Variants in SLC24A3 observed in about 807,000 individuals in gnomAD.
SLC24A3 encodes the protein solute carrier family 24 member 3.
Under a neutral mutation model 75.8 loss-of-function variants are expected in SLC24A3, and 28 were observed. The observed-to-expected ratio is 0.37, with a 90% CI of 0.27 to 0.51. The LOEUF (loss-of-function observed/expected upper bound fraction) is 0.51. Ranked by LOEUF, SLC24A3 falls within the 20% of genes least tolerant of loss-of-function variation. The pLI, the probability that SLC24A3 is intolerant of heterozygous loss-of-function variation, is 0.94. For synonymous variants in SLC24A3, 372 were observed against 334.1 expected (o/e 1.11, Z -1.24); for missense variants, 663 against 847.8 (o/e 0.78, Z 2.71).
intron 6 of SLC24A3, among the ~76,000 whole-genome samples, chr20:19,600,372 A>G (rs2031513403): frequency 6.6e-6 from 1 of 152,232 alleles, no homozygotes; most frequent in African/African-American, 2.4e-5. Flanking sequence ...GCCATCAAAA[A>G]AGTCAGCTCT....
intron 2 of SLC24A3, among the ~76,000 whole-genome samples, chr20:19,465,080 C>T (rs1273465563): frequency 6.6e-6 from 1 of 152,214 alleles, no homozygotes; most frequent in East Asian, 1.9e-4. Flanking sequence ...AAATTTAACT[C>T]ATTTAAATTT....
At chr20:19,537,946 G>A (rs1600271458) in intron 3 of SLC24A3, among the ~76,000 whole-genome samples, 1 of 151,748 alleles carries the variant, frequency 6.6e-6, no homozygotes, top group Non-Finnish European at 1.5e-5. Flanking sequence ...GTTAATGGGT[G>A]CAGCACACCA....
intron 6 of SLC24A3, among the ~76,000 whole-genome samples, chr20:19,602,878 G>T (rs1216555475): frequency 6.6e-6 from 1 of 152,200 alleles, no homozygotes; most frequent in East Asian, 1.9e-4. Context: ...TGTCCGGCAA[G>T]CAGACCACTC....
chr20:19,379,508 A>T (rs527547650), intron 2 of SLC24A3, among the ~76,000 whole-genome samples: 1 of 152,210 alleles, frequency 6.6e-6, no homozygotes, highest in African/African-American at 2.4e-5. Context: ...AGTGAATCTG[A>T]GCTGGATCAT....
In SLC24A3 at chr20:19,556,893, A is replaced by G. The variant is rs1159779057; in HGVS notation, c.349-23107A>G. On this transcript the variant is annotated intron_variant, in intron 3 of 16. Transcript: ENST00000328041. ...AATATTCCTTACACTTCTCAAAACAAAACCCATTTTTTTAAAAAAGTATTC... is the reference window on the plus strand; with the variant it reads ...AATATTCCTTACACTTCTCAAAACAGAACCCATTTTTTTAAAAAAGTATTC... 2.0e-5 allele frequency among the ~76,000 whole-genome samples: 3 copies of G among 152,090 alleles called. No homozygotes were observed. In the East Asian group the frequency reaches 5.8e-4, roughly 29 times the overall value.
chr20:19,720,401 T>G (rs2122181836), intron 16 of SLC24A3, among the ~76,000 whole-genome samples: 1 of 152,200 alleles, frequency 6.6e-6, no homozygotes, highest in Non-Finnish European at 1.5e-5. Flanking sequence ...GCTTCAAGGA[T>G]AGGCAGTGGC....
chr20:19,400,688 T>G (rs1986536702), intron 2 of SLC24A3, among the ~76,000 whole-genome samples: 1 of 152,132 alleles, frequency 6.6e-6, no homozygotes, highest in South Asian at 2.1e-4. Context: ...GACTCTCAAC[T>G]GCATCTCCCC....
intron 16 of SLC24A3, among the ~76,000 whole-genome samples, chr20:19,718,478 G>GC (rs777863342): frequency 2.6e-5 from 4 of 152,158 alleles, no homozygotes; most frequent in Non-Finnish European, 5.9e-5. Context: ...AGCTCATCAT[G>GC]CCCCCCATGA....
chr20:19,277,094 A>G (rs1429795277), intron 1 of SLC24A3, among the ~76,000 whole-genome samples: 2 of 152,206 alleles, frequency 1.3e-5, no homozygotes, highest in African/African-American at 4.8e-5. Flanking sequence ...TAGCTGTATA[A>G]TTAAACCAGG....
At chr20:19,306,993 T>C (rs897614420) in intron 2 of SLC24A3, among the ~76,000 whole-genome samples, 1 of 152,192 alleles carries the variant, frequency 6.6e-6, no homozygotes, top group African/African-American at 2.4e-5. Flanking sequence ...CCCAAGGACT[T>C]GAGGTCTTCT....
chr20:19,615,062 A>AG (rs5840852), intron 6 of SLC24A3, among the ~76,000 whole-genome samples: 92,603 of 152,026 alleles, frequency 0.61, 29,626 homozygotes, highest in Non-Finnish European at 0.7. Flanking sequence ...CAGATCTGTA[A>AG]GGGTAAAGCA....
chr20:19,673,479 T>C (rs1282230145), intron 8 of SLC24A3, 122 bp from the exon 9 acceptor site: 5 of 783,516 alleles, frequency 6.4e-6, no homozygotes, highest in Non-Finnish European at 1.1e-5. Flanking sequence ...ATCCGTCACC[T>C]AGCACCGTCT....
chr20:19,443,444 G>T (rs1987328287), intron 2 of SLC24A3, among the ~76,000 whole-genome samples: 1 of 152,020 alleles, frequency 6.6e-6, no homozygotes, highest in African/African-American at 2.4e-5. Context: ...AATATAAATG[G>T]TATTATGATT....
At chr20:19,530,169 T>C (rs2030271364) in intron 3 of SLC24A3, among the ~76,000 whole-genome samples, 1 of 152,196 alleles carries the variant, frequency 6.6e-6, no homozygotes, top group Non-Finnish European at 1.5e-5. Context: ...AGTGATGGCG[T>C]TGGCATGGAG....
At chr20:19,591,499 T>A (rs1409791004) in intron 6 of SLC24A3, among the ~76,000 whole-genome samples, 5 of 152,106 alleles carry the variant, frequency 3.3e-5, no homozygotes, top group African/African-American at 1.2e-4. Flanking sequence ...ACTAGTTTTT[T>A]TTTTTTAATG....
At chr20:19,433,674 G>A (rs1259477168) in intron 2 of SLC24A3, among the ~76,000 whole-genome samples, 2 of 152,156 alleles carry the variant, frequency 1.3e-5, no homozygotes, top group Non-Finnish European at 2.9e-5. Flanking sequence ...AGTATGGTAA[G>A]ACCAACAAAT....
intron 2 of SLC24A3, among the ~76,000 whole-genome samples, chr20:19,290,572 A>G (rs1037521327): frequency 6.6e-6 from 1 of 152,190 alleles, no homozygotes; most frequent in Admixed American, 6.5e-5. Context: ...CCAGACACCA[A>G]GCCTGCTGGC....
intron 2 of SLC24A3, among the ~76,000 whole-genome samples, chr20:19,327,359 T>C (rs766152240): frequency 2.0e-5 from 3 of 152,198 alleles, no homozygotes; most frequent in South Asian, 4.1e-4. Flanking sequence ...CATTTTCCCA[T>C]GCAAAGTGCC....
chr20:19,697,955 A>G (rs561112472), intron 14 of SLC24A3, among the ~76,000 whole-genome samples: 1 of 152,294 alleles, frequency 6.6e-6, no homozygotes, highest in Non-Finnish European at 1.5e-5. Flanking sequence ...GTAATTTATC[A>G]AAAAAGAGCT....
Sources: gnomAD v4.1 joint callset for allele counts (sites outside exome capture counted in the v4.1 genomes callset) on GRCh38, gnomAD v4.1.1 for gene constraint, MANE v1.5 for transcripts, NCBI Gene and HGNC (gene_info 2026-07-23, HGNC 2026-07-21) for gene names.